The following TCF4 variants were observed in gnomAD, a reference collection of about 807,000 sequenced individuals.
TCF4 encodes transcription factor 4, also known as SL3-3 enhancer factor 2.
TCF4 carries 3 observed loss-of-function variants against 82.1 expected under a neutral mutation model. That is an observed-to-expected ratio of 0.04 (90% CI 0.02 to 0.09). The LOEUF (loss-of-function observed/expected upper bound fraction) is 0.09, where lower values mean the gene tolerates loss of function less well. Ranked by LOEUF, TCF4 falls within the 10% of genes least tolerant of loss-of-function variation. The pLI is 1.00. For synonymous variants in TCF4, 276 were observed against 309.6 expected (o/e 0.89, Z 1.14); for missense variants, 518 against 852.7 (o/e 0.61, Z 4.89).
At chr18:55,248,302 T>C (rs892460366) in intron 15 of TCF4, among the ~76,000 whole-genome samples, 20 of 152,252 alleles carry the variant, frequency 1.3e-4, no homozygotes, top group African/African-American at 4.6e-4. Context: ...TATTAAAAGA[T>C]GATGCTGACC....
In TCF4 at chr18:55,537,194, C is replaced by G. The variant is rs528674462; in HGVS notation, c.145+48086G>C. Among the ~76,000 whole-genome samples, 4 of 150,944 alleles carry G rather than the reference C, an allele frequency of 2.6e-5. No individual in the cohort carries two copies. In the South Asian group the frequency reaches 8.4e-4, roughly 32 times the overall value. ...CAACTGGAAAGGCTTTACAAAAAAGCCAACTATTATTTCACCAATGTTTGC... is the reference window on the plus strand; with the variant it reads ...CAACTGGAAAGGCTTTACAAAAAAGGCAACTATTATTTCACCAATGTTTGC... On this transcript the variant is annotated intron_variant, in intron 3 of 19. Coordinates refer to ENST00000354452, the MANE Select transcript of TCF4 (RefSeq NM_001083962.2).
At chr18:55,370,234 C>T (rs2088595462) in intron 6 of TCF4, among the ~76,000 whole-genome samples, 2 of 152,072 alleles carry the variant, frequency 1.3e-5, no homozygotes, top group Admixed American at 1.3e-4. Flanking sequence ...TCAGTCTCTA[C>T]AGAAAATAAA....
intron 6 of TCF4, among the ~76,000 whole-genome samples, chr18:55,394,451 T>C (rs921374073): frequency 6.6e-6 from 1 of 152,308 alleles, no homozygotes; most frequent in East Asian, 1.9e-4. Flanking sequence ...CATTGGAAGA[T>C]GTCTTCTAAA....
intron 3 of TCF4, among the ~76,000 whole-genome samples, chr18:55,464,489 C>T (rs1418525893): frequency 6.6e-6 from 1 of 151,992 alleles, no homozygotes; most frequent in Admixed American, 6.6e-5. Context: ...AACTTTAATG[C>T]AAAAAAAGTT....
At chr18:55,516,486 TTA>T (rs1287178837) in intron 3 of TCF4, among the ~76,000 whole-genome samples, 1 of 152,044 alleles carries the variant, frequency 6.6e-6, no homozygotes, top group Non-Finnish European at 1.5e-5. Context: ...GGCAGTCTGA[TTA>T]TGCAACTGTA....
chr18:55,592,367 C>G (rs2147927854), upstream of TCF4, among the ~76,000 whole-genome samples: 1 of 152,278 alleles, frequency 6.6e-6, no homozygotes, highest in East Asian at 1.9e-4. Context: ...CTGGAGAGGG[C>G]TCTCTTCCTG....
At chr18:55,534,354 C>T (rs1053547078) in intron 3 of TCF4, among the ~76,000 whole-genome samples, 3 of 152,156 alleles carry the variant, frequency 2.0e-5, no homozygotes, top group African/African-American at 4.8e-5. Flanking sequence ...AAATAGGTCC[C>T]ATAGACAGTA....
At chr18:55,271,508 A>G (rs946660809) in intron 10 of TCF4, among the ~76,000 whole-genome samples, 7 of 152,150 alleles carry the variant, frequency 4.6e-5, no homozygotes, top group Non-Finnish European at 8.8e-5. Context: ...ATTTTCAAAG[A>G]CGCATGAATG....
chr18:55,533,649 G>C (rs1284817058), intron 3 of TCF4, among the ~76,000 whole-genome samples: 1 of 152,184 alleles, frequency 6.6e-6, no homozygotes, highest in Non-Finnish European at 1.5e-5. Flanking sequence ...TAGTGAAAAT[G>C]TAACTGTGAA....
intron 8 of TCF4, among the ~76,000 whole-genome samples, chr18:55,350,041 C>A (rs2082006835): frequency 6.6e-6 from 1 of 152,084 alleles, no homozygotes; most frequent in African/African-American, 2.4e-5. Flanking sequence ...AGAATTTAAC[C>A]AACACATGAA....
rs895689621 is a variant in TCF4 at position 55,598,425 on chromosome 18, A to G, written c.287-11289T>C. On this transcript the variant is annotated intron_variant, in intron 2 of 20. Coordinates refer to the TCF4 transcript ENST00000398339. Reference sequence around the variant, plus strand: ...TATTATACTTTAAGTTCTGGGATACATGCACAGAACGCGCAGGTTTGTTAC... The same window carrying G: ...TATTATACTTTAAGTTCTGGGATACGTGCACAGAACGCGCAGGTTTGTTAC... Among the ~76,000 whole-genome samples the G allele has an allele frequency of 2.6e-5, 4 of 152,198 alleles. 1 individual carries two copies. Among genetic ancestry groups the G allele is most frequent in the Admixed American group, 2.6e-4 (4 of 15,276 alleles).
intron 3 of TCF4, among the ~76,000 whole-genome samples, chr18:55,487,701 C>T (rs765236828): frequency 6.7e-6 from 1 of 150,234 alleles, no homozygotes; most frequent in Non-Finnish European, 1.5e-5. Context: ...GTGAGGGGAT[C>T]GATAAAAAAA....
intron 5 of TCF4, among the ~76,000 whole-genome samples, chr18:55,433,633 T>C (rs2095258818): frequency 6.6e-6 from 1 of 152,236 alleles, no homozygotes; most frequent in African/African-American, 2.4e-5. Flanking sequence ...GGAGATTAAA[T>C]GCCTCGCCAA....
chr18:55,385,923 A>C (rs2092561376), intron 6 of TCF4, among the ~76,000 whole-genome samples: 1 of 152,164 alleles, frequency 6.6e-6, no homozygotes, highest in Non-Finnish European at 1.5e-5. Flanking sequence ...GAATGTCCAC[A>C]CGGCCACTGC....
chr18:55,273,002 C>T (rs1409130501), intron 10 of TCF4, among the ~76,000 whole-genome samples: 1 of 152,178 alleles, frequency 6.6e-6, no homozygotes, highest in East Asian at 1.9e-4. Context: ...GGACTCTATC[C>T]TGTTCTTAAA....
chr18:55,411,578 T>C (rs1013699164), intron 5 of TCF4, among the ~76,000 whole-genome samples: 2 of 152,106 alleles, frequency 1.3e-5, no homozygotes, highest in African/African-American at 4.8e-5. Flanking sequence ...TGTGATGAGA[T>C]GGTGAGTGTG....
intron 3 of TCF4, chr18:55,482,828 C>T (rs544520129): frequency 2.1e-4 from 32 of 152,282 alleles, no homozygotes; most frequent in Admixed American, 5.9e-4. Context: ...CAACTCCCAC[C>T]ACTCCACTTT....
At chr18:55,380,929 T>G (rs1286782560) in intron 6 of TCF4, among the ~76,000 whole-genome samples, 1 of 152,230 alleles carries the variant, frequency 6.6e-6, no homozygotes, top group Non-Finnish European at 1.5e-5. Flanking sequence ...GTTTCCTGTG[T>G]GATCTAGAGG....
intron 2 of TCF4, among the ~76,000 whole-genome samples, chr18:55,593,863 A>C (rs1258935930): frequency 6.6e-6 from 1 of 152,242 alleles, no homozygotes; most frequent in African/African-American, 2.4e-5. Context: ...AATAAATGTC[A>C]AGGGCAGTCT....
Sources: gnomAD v4.1 joint callset for allele counts (sites outside exome capture counted in the v4.1 genomes callset) on GRCh38, gnomAD v4.1.1 for gene constraint, MANE v1.5 for transcripts, NCBI Gene and HGNC (gene_info 2026-07-23, HGNC 2026-07-21) for gene names.